Variants in PDZD2 observed in about 807,000 individuals in gnomAD.
PDZD2 encodes PDZ domain containing 2.
PDZD2 carries 90 observed loss-of-function variants against 220.7 expected under a neutral mutation model. The observed-to-expected ratio is 0.41, with a 90% CI of 0.34 to 0.49. The LOEUF is 0.49. PDZD2 is among the 20% of genes least tolerant of loss of function. The pLI is 0.28. For synonymous variants in PDZD2, 1,375 were observed against 1,450.5 expected (o/e 0.95, Z 1.18); for missense variants, 3,174 against 3,608.5 (o/e 0.88, Z 3.08).
intron 24 of PDZD2, among the ~76,000 whole-genome samples, chr5:32,101,722 G>A (rs929204360): frequency 6.6e-6 from 1 of 152,136 alleles, no homozygotes; most frequent in African/African-American, 2.4e-5. Flanking sequence ...TACAGTCCAA[G>A]CATAGCCTTT....
chr5:31,682,048 G>T (rs1531618), intron 1 of PDZD2, among the ~76,000 whole-genome samples: 42,095 of 152,034 alleles, frequency 0.28, 6,526 homozygotes, highest in East Asian at 0.59. Flanking sequence ...TCCCTAAGAC[G>T]CATAGATAGA....
At position 31,959,018 on chromosome 5, in the gene PDZD2, C is replaced by T. The variant is rs184932658; in HGVS notation, c.477-24137C>T. 6.7e-3 allele frequency among the ~76,000 whole-genome samples: 1,017 copies of T among 151,866 alleles called. 7 individuals are homozygous for T. Among genetic ancestry groups the T allele is most frequent in the Non-Finnish European group, 8.2e-3 (557 of 67,974 alleles). On this transcript the variant is annotated intron_variant, in intron 2 of 24. Transcript: ENST00000438447. Reference sequence around the variant, plus strand: ...CGTGATCTCAGCTCTCTGCAACCTCCGCCTCCCAGGTTGAAGAGATTCTTC... The same window carrying T: ...CGTGATCTCAGCTCTCTGCAACCTCTGCCTCCCAGGTTGAAGAGATTCTTC...
intron 1 of PDZD2, among the ~76,000 whole-genome samples, chr5:31,693,501 A>G (rs2150129639): frequency 6.6e-6 from 1 of 152,064 alleles, no homozygotes; most frequent in East Asian, 1.9e-4. Context: ...CGGCCTTCCA[A>G]AGTGCTGGGA....
intron 2 of PDZD2, among the ~76,000 whole-genome samples, chr5:31,883,250 T>A (rs922337024): frequency 4.6e-5 from 6 of 131,086 alleles, no homozygotes; most frequent in East Asian, 2.5e-4. Context: ...AGATGGAGTC[T>A]CACTCTGTCG....
intron 3 of PDZD2, among the ~76,000 whole-genome samples, chr5:31,991,874 C>T (rs1446064851): frequency 6.6e-6 from 1 of 152,074 alleles, no homozygotes; most frequent in African/African-American, 2.4e-5. Context: ...GCTAATAATA[C>T]AAAAATTAGC....
chr5:31,724,544 G>A (rs1204426417), intron 1 of PDZD2, among the ~76,000 whole-genome samples: 1 of 143,128 alleles, frequency 7.0e-6, no homozygotes, highest in Non-Finnish European at 1.5e-5. Flanking sequence ...GGAGTTTGCA[G>A]TGAGCCGAGA....
chr5:31,752,558 T>C (rs1182440079), intron 1 of PDZD2, among the ~76,000 whole-genome samples: 3 of 150,482 alleles, frequency 2.0e-5, no homozygotes, highest in Admixed American at 2.0e-4. Flanking sequence ...CAAAAATAAA[T>C]AAATAAATAA....
In PDZD2 at chr5:31,826,633, G is replaced by A. The variant is rs569132214; in HGVS notation, c.476+26909G>A. ...AGAGGTTGCAGTGAGCCGAGATCAC[G>A]CCACTGCACTCCAGCCCGGGTGACA... On this transcript the variant is annotated intron_variant, in intron 2 of 24. Transcript: ENST00000438447. Among the ~76,000 whole-genome samples, 9 of 150,158 alleles carry A rather than the reference G, an allele frequency of 6.0e-5. No individual in the cohort carries two copies. In the South Asian group the frequency reaches 6.3e-4, roughly 11 times the overall value.
At chr5:31,729,982 C>A (rs530740390) in intron 1 of PDZD2, among the ~76,000 whole-genome samples, 1 of 152,254 alleles carries the variant, frequency 6.6e-6, no homozygotes, top group African/African-American at 2.4e-5. Context: ...CACATGCCAC[C>A]ACGCCCAGCT....
chr5:31,662,898 G>A (rs780635372), intron 1 of PDZD2, among the ~76,000 whole-genome samples: 2 of 152,206 alleles, frequency 1.3e-5, no homozygotes, highest in African/African-American at 2.4e-5. Flanking sequence ...CCAAAGTGCT[G>A]GGATTACAGG....
At chr5:31,736,252 T>A (rs944886846) in intron 1 of PDZD2, among the ~76,000 whole-genome samples, 3 of 152,208 alleles carry the variant, frequency 2.0e-5, no homozygotes, top group Admixed American at 2.0e-4. Context: ...TTGGCTTATC[T>A]TCCTGTCACT....
intron 2 of PDZD2, among the ~76,000 whole-genome samples, chr5:31,868,080 A>C (rs1171741205): frequency 6.6e-6 from 1 of 152,212 alleles, no homozygotes; most frequent in Non-Finnish European, 1.5e-5. Flanking sequence ...TTGCATAGGT[A>C]AGTGGTATGT....
In PDZD2 at chr5:32,087,860, G is replaced by A. The variant is rs191639635; in HGVS notation, c.4412G>A (p.Arg1471His). 2.3e-4 allele frequency: 369 copies of A among 1,611,770 alleles called. No individual in the cohort carries two copies. The East Asian group carries it at 6.7e-3, about 29-fold the overall frequency. The change falls in exon 20 of 25, where the codon CGT becomes CAT. Residue 1471 changes from arginine (R) to histidine (H), a missense_variant. Coordinates refer to ENST00000438447, the MANE Select transcript of PDZD2 (RefSeq NM_178140.4). The surrounding 1 kb of genome is among the most constrained non-coding windows in gnomAD (Gnocchi z 4.0). ...GGGGCTGGAGGTGGGAGCTCCTGCC[G>A]TGCCGAACCAGTCCCGGGGGGCCAG... ...PAGAGGGSSC[R>H]AEPVPGGQTS... is the part of the protein sequence containing the mutation.
chr5:31,997,874 G>A lies in PDZD2; in HGVS notation c.1121+2156G>A, dbSNP rs571494925. On this transcript the variant is annotated intron_variant, in intron 4 of 24. Coordinates refer to ENST00000438447, the MANE Select transcript of PDZD2 (RefSeq NM_178140.4). ...TTTTTCTTTTTTGAGGTGAAGTCTC[G>A]CTCTGTTGCCTAGGCTGAAGTGCAG... is the stretch of plus-strand genomic sequence containing the variant. 1.1e-4 allele frequency among the ~76,000 whole-genome samples: 16 copies of A among 152,200 alleles called. No individual in the cohort carries two copies. In the South Asian group the frequency reaches 1.7e-3, roughly 16 times the overall value.
intron 15 of PDZD2, among the ~76,000 whole-genome samples, chr5:32,070,798 C>T (rs979335151): frequency 9.2e-5 from 14 of 152,234 alleles, no homozygotes; most frequent in African/African-American, 2.7e-4. Context: ...GAGTTCGAGA[C>T]CAGCCTGACC....
At chr5:31,998,575 C>T (rs953898910) in intron 4 of PDZD2, among the ~76,000 whole-genome samples, 4 of 152,096 alleles carry the variant, frequency 2.6e-5, no homozygotes, top group African/African-American at 4.8e-5. Flanking sequence ...CTGGGCGTGT[C>T]GGAGGCGTGC....
intron 1 of PDZD2, among the ~76,000 whole-genome samples, chr5:31,789,905 C>T (rs77022489): frequency 0.082 from 12,539 of 152,010 alleles, 712 homozygotes; most frequent in Middle Eastern, 0.13. Context: ...GCAACAAGAG[C>T]GAAACTCCTT....
chr5:31,908,821 G>A (rs1218966540), intron 2 of PDZD2: 2 of 600,764 alleles, frequency 3.3e-6, no homozygotes, highest in Admixed American at 2.1e-5. Flanking sequence ...GAGGCGGGAG[G>A]ATCACTTGAG....
rs1480240590 is a variant in PDZD2 at position 31,995,683 on chromosome 5, T to C, written c.1086T>C (p.Val362=). 1.9e-6 allele frequency: 3 copies of C among 1,614,096 alleles called. No homozygotes were observed. The highest frequency in any genetic ancestry group is 2.2e-5 in the East Asian group (1 of 44,880). The change falls in exon 4 of 25, where the codon GTT becomes GTC. Residue 362 remains valine, a synonymous_variant. Coordinates refer to ENST00000438447, the MANE Select transcript of PDZD2 (RefSeq NM_178140.4). ...CAAAGCGCTCACCTCACGCTATCGT[T>C]GTCACTCAAGTGAAGGAAGGAGGTG... ...RGSKRSPHAI[V]VTQVKEGGAA...
Sources: allele counts gnomAD v4.1 joint callset (sites outside exome capture counted in the v4.1 genomes callset), GRCh38; gene constraint gnomAD v4.1.1; non-coding constraint Gnocchi (gnomAD v3.1); transcripts MANE v1.5; gene names NCBI Gene and HGNC (gene_info 2026-07-23, HGNC 2026-07-21).